ANAPC16: variants seen among roughly 807,000 people sequenced by gnomAD.
The protein encoded by ANAPC16 is anaphase promoting complex subunit 16, also known as anaphase-promoting complex subunit 16.
ANAPC16 carries 6 observed loss-of-function variants against 13.1 expected under a neutral mutation model. That is an observed-to-expected ratio of 0.46 (90% CI 0.25 to 0.90). ANAPC16 has a LOEUF of 0.90. ANAPC16 is among the 40% of genes least tolerant of loss of function. ANAPC16 has a pLI of 0.18. For missense variants in ANAPC16, 113 were observed against 131.1 expected (o/e 0.86, Z 0.67); for synonymous variants, 55 against 51.3 (o/e 1.07, Z -0.31).
intron 3 of ANAPC16, among the ~76,000 whole-genome samples, chr10:72,232,417 G>A (rs1190867552): frequency 6.6e-6 from 1 of 150,632 alleles, no homozygotes; most frequent in Non-Finnish European, 1.5e-5. Context: ...GATGGCGGGT[G>A]CCTGTAGTCC....
chr10:72,235,558 C>T lies in ANAPC16; in HGVS notation c.*2442C>T, dbSNP rs941429814. 7 of 152,214 alleles carry T rather than the reference C, an allele frequency of 4.6e-5. No homozygotes were observed. Among genetic ancestry groups the T allele is most frequent in the Non-Finnish European group, 8.8e-5 (6 of 68,038 alleles). The allele number at this position is 152,214 out of a possible 1,614,324, so 9.4% of individuals were successfully genotyped here. A position where few individuals can be genotyped will look rare whatever the true frequency, so the allele number is the denominator to read the frequency against. On this transcript the variant is annotated 3_prime_UTR_variant, in exon 4 of 4. Coordinates refer to ENST00000299381, the MANE Select transcript of ANAPC16 (RefSeq NM_173473.4). ...TCTTAACTAAAAGAAGTTCCATATTCGACAGCATTTTAGTTTTTTAATAGT... is the reference window on the plus strand; with the variant it reads ...TCTTAACTAAAAGAAGTTCCATATTTGACAGCATTTTAGTTTTTTAATAGT...
chr10:72,233,218 G>A lies in ANAPC16; in HGVS notation c.*102G>A. The A allele has an allele frequency of 1.2e-6, 1 of 811,456 alleles. No homozygotes were observed. Among genetic ancestry groups the A allele is most frequent in the South Asian group, 1.6e-5 (1 of 64,374 alleles). 50.3% of individuals were successfully genotyped at this position (811,456 alleles called of 1,614,324 possible). On this transcript the variant is annotated 3_prime_UTR_variant, in exon 4 of 4. Transcript: ENST00000299381. ...TCCAGAGATCCACAGCTACGTCACTGAATTGTTAATGCACATTTGTACTTG... is the reference window on the plus strand; with the variant it reads ...TCCAGAGATCCACAGCTACGTCACTAAATTGTTAATGCACATTTGTACTTG...
At chr10:72,223,013 A>C (rs2133670052) in intron 1 of ANAPC16, 1 of 151,540 alleles carries the variant, frequency 6.6e-6, no homozygotes, top group East Asian at 1.9e-4. Context: ...TGTTTCCTGA[A>C]CTTTTTGTTC....
chr10:72,226,682 GA>G, intron 2 of ANAPC16, among the ~76,000 whole-genome samples: 1 of 150,564 alleles, frequency 6.6e-6, no homozygotes. Flanking sequence ...AAAAAAAAAA[GA>G]AAAGAAAAGA....
At chr10:72,217,751 T>A (rs1286546286) in intron 1 of ANAPC16, among the ~76,000 whole-genome samples, 1 of 152,116 alleles carries the variant, frequency 6.6e-6, no homozygotes, top group Non-Finnish European at 1.5e-5. Context: ...TATTAACTAA[T>A]CTTTGTCACA....
intron 1 of ANAPC16, among the ~76,000 whole-genome samples, chr10:72,218,970 T>A (rs7915895): frequency 6.6e-6 from 1 of 152,188 alleles, no homozygotes; most frequent in Admixed American, 6.5e-5. Context: ...GAAGTCACAC[T>A]GTGGCTACCT....
chr10:72,217,973 A>G (rs558169240), intron 1 of ANAPC16, among the ~76,000 whole-genome samples: 230 of 151,436 alleles, frequency 1.5e-3, no homozygotes, highest in African/African-American at 5.1e-3. Flanking sequence ...TCCGAAATCC[A>G]GAATACTTCC....
At position 72,233,097 on chromosome 10, in the gene ANAPC16, T is replaced by C. The variant is rs1477533696; in HGVS notation, c.314T>C (p.Phe105Ser). 6.2e-7 allele frequency: 1 copy of C among 1,614,040 alleles called. No individual in the cohort carries two copies. The highest frequency in any genetic ancestry group is 8.5e-7 in the Non-Finnish European group (1 of 1,180,020). ...AAGCCCATCGAGCAGCTGCTGGGAT[T>C]CACCCCCTCTTCAGGTTGATACTGC... ...RFKPIEQLLGFTPSSG is the reference protein window; with the variant it reads ...RFKPIEQLLGSTPSSG The change falls in exon 4 of 4, where the codon TTC (phenylalanine) becomes TCC (serine). Residue 105 changes from phenylalanine (F) to serine (S), a missense_variant. Transcript: ENST00000299381.
intron 2 of ANAPC16, among the ~76,000 whole-genome samples, chr10:72,228,428 G>T (rs190613256): frequency 4.1e-4 from 62 of 152,302 alleles, no homozygotes; most frequent in Non-Finnish European, 1.5e-5. Context: ...CTACTGTGAG[G>T]TAATATTCTT....
At chr10:72,219,379 A>G (rs939046992) in intron 1 of ANAPC16, among the ~76,000 whole-genome samples, 1 of 152,194 alleles carries the variant, frequency 6.6e-6, no homozygotes, top group Admixed American at 6.6e-5. Context: ...CTCTGTGGAT[A>G]TGAGTACAAT....
intron 2 of ANAPC16, among the ~76,000 whole-genome samples, chr10:72,228,173 A>T (rs1404869217): frequency 6.6e-6 from 1 of 152,200 alleles, no homozygotes; most frequent in South Asian, 2.1e-4. Flanking sequence ...TGAGTCTAGG[A>T]TAGTAAACCC....
intron 3 of ANAPC16, among the ~76,000 whole-genome samples, chr10:72,231,876 G>A (rs1860316918): frequency 6.6e-6 from 1 of 150,822 alleles, no homozygotes; most frequent in African/African-American, 2.4e-5. Flanking sequence ...AACATTAGAA[G>A]AAACTTCCAA....
rs1564794803 is a variant in ANAPC16 at position 72,230,452 on chromosome 10, A to T, written c.217+12A>T. On this transcript the variant is annotated intron_variant, in intron 3 of 3. Coordinates refer to ENST00000299381, the MANE Select transcript of ANAPC16 (RefSeq NM_173473.4). The stretch of plus-strand genomic sequence containing the variant: ...ACAGGTGAAACATGGTAAGCACATG[A>T]GTGTTGCGTACTTGACTGTGAGAAT... 6 of 1,611,638 alleles carry T rather than the reference A, an allele frequency of 3.7e-6. No individual in the cohort carries two copies. Among genetic ancestry groups the T allele is most frequent in the Non-Finnish European group, 4.2e-6 (5 of 1,177,990 alleles).
chr10:72,221,406 A>C (rs1020625843), intron 1 of ANAPC16, among the ~76,000 whole-genome samples: 2 of 152,186 alleles, frequency 1.3e-5, no homozygotes, highest in African/African-American at 4.8e-5. Flanking sequence ...AATTTAAAAT[A>C]CAGTTCTTCA....
intron 1 of ANAPC16, among the ~76,000 whole-genome samples, chr10:72,218,201 T>A (rs868683298): frequency 1.2e-4 from 13 of 105,690 alleles, no homozygotes; most frequent in African/African-American, 3.9e-4. Context: ...TATATATATA[T>A]ATATATATAT....
At chr10:72,230,271 T>C in intron 2 of ANAPC16, 95 bp from the exon 3 acceptor site, 1 of 912,860 alleles carries the variant, frequency 1.1e-6, no homozygotes, top group Non-Finnish European at 1.8e-6. Flanking sequence ...ACCCTGAATG[T>C]ACAAGCAGGG....
intron 1 of ANAPC16, chr10:72,223,521 A>T (rs552584211): frequency 6.2e-6 from 1 of 161,016 alleles, no homozygotes; most frequent in African/African-American, 2.4e-5. Context: ...AAACTGTCCT[A>T]TGAAGTGTGA....
intron 1 of ANAPC16, among the ~76,000 whole-genome samples, chr10:72,218,072 G>C (rs750977313): frequency 1.3e-5 from 2 of 148,492 alleles, no homozygotes; most frequent in Non-Finnish European, 3.0e-5. Flanking sequence ...CCCGGAGGGG[G>C]AGGCGGAGGT....
At chr10:72,222,903 A>G (rs765275578) in intron 1 of ANAPC16, among the ~76,000 whole-genome samples, 6 of 152,170 alleles carry the variant, frequency 3.9e-5, no homozygotes, top group Non-Finnish European at 8.8e-5. Flanking sequence ...TCATGTATTC[A>G]GTACAGTTTT....
Sources: gnomAD v4.1 joint callset for allele counts (sites outside exome capture counted in the v4.1 genomes callset) on GRCh38, gnomAD v4.1.1 for gene constraint, MANE v1.5 for transcripts, NCBI Gene and HGNC (gene_info 2026-07-23, HGNC 2026-07-21) for gene names.